Variants in SERPINA12 observed in about 807,000 individuals in gnomAD.
SERPINA12 encodes the protein serpin family A member 12, also known as serpin A12.
A neutral mutation model predicts 25.9 loss-of-function variants in SERPINA12; 21 were observed. That is an observed-to-expected ratio of 0.81 (90% confidence interval 0.58 to 1.17). SERPINA12 has a LOEUF of 1.17. Ranked by LOEUF, SERPINA12 falls within the 50% of genes most tolerant of loss-of-function variation. The pLI, the probability that SERPINA12 is intolerant of heterozygous loss-of-function variation, is 0.00. For missense variants in SERPINA12, 562 were observed against 508.3 expected, an observed-to-expected ratio of 1.11 and a Z score of -1.02; for synonymous variants, 220 against 196.0, an observed-to-expected ratio of 1.12 and a Z score of -1.02.
In SERPINA12 at chr14:94,498,060, T is replaced by C. The variant is rs1421924637; in HGVS notation, c.338A>G (p.His113Arg). 1.2e-6 allele frequency: 2 copies of C among 1,614,190 alleles called. No individual in the cohort carries two copies. Among genetic ancestry groups the C allele is most frequent in the Non-Finnish European group, 1.7e-6 (2 of 1,180,030 alleles). ...GTGGATGATGTAATGGAAGCCCTCA[T>C]GAAGATCTTTTTCTGGCATCTTTCT... The part of the protein sequence containing the change: ...NFRKMPEKDL[H>R]EGFHYIIHEL... The change falls in exon 2 of 5, where the codon CAT (histidine) becomes CGT (arginine). Residue 113 changes from histidine (H) to arginine (R), a missense_variant. His to Arg is a conservative substitution (Grantham distance 29). Coordinates refer to ENST00000677451, the MANE Select transcript of SERPINA12 (RefSeq NM_001382267.1).
rs569030151 is a variant in SERPINA12, at chr14:94,490,615, C to T, written c.906-848G>A. Among the ~76,000 whole-genome samples, 9 of 152,146 alleles carry T rather than the reference C, an allele frequency of 5.9e-5. No individual in the cohort carries two copies. In the East Asian group the frequency reaches 1.7e-3, roughly 29 times the overall value. ...TCCTCAAAAACTAACACCAAGAGATCTCTCTTGGCCCTGAATAGCCTCTCC... is the reference window on the plus strand; with the variant it reads ...TCCTCAAAAACTAACACCAAGAGATTTCTCTTGGCCCTGAATAGCCTCTCC... On this transcript the variant is annotated intron_variant, in intron 3 of 4. Transcript: ENST00000677451.
chr14:94,489,772 G>C lies in SERPINA12; in HGVS notation c.906-5C>G. ...GGTACAGACACGTCTACGACCCTGG[G>C]GAATTGACACGACAAGGGTGAGTGG... On this transcript the variant is annotated splice_region_variant and splice_polypyrimidine_tract_variant and intron_variant, in intron 3 of 4. Transcript: ENST00000677451. The C allele has an allele frequency of 6.2e-7, 1 of 1,613,644 alleles. No homozygotes were observed. The highest frequency in any genetic ancestry group is 1.7e-4 in the Middle Eastern group (1 of 6,044).
At chr14:94,507,974 A>C (rs1034626581) in intron 1 of SERPINA12, among the ~76,000 whole-genome samples, 1 of 152,198 alleles carries the variant, frequency 6.6e-6, no homozygotes, top group Non-Finnish European at 1.5e-5. Flanking sequence ...GAGAGAGAGA[A>C]AGAGATTCCT....
chr14:94,501,324 C>G (rs1900712977), intron 1 of SERPINA12, among the ~76,000 whole-genome samples: 1 of 152,140 alleles, frequency 6.6e-6, no homozygotes, highest in South Asian at 2.1e-4. Context: ...AGCAGCCTGG[C>G]AGGAGCCTTG....
At chr14:94,514,159 G>A (rs1053553899), upstream of SERPINA12, among the ~76,000 whole-genome samples, 2 of 152,220 alleles carry the variant, frequency 1.3e-5, no homozygotes, top group African/African-American at 2.4e-5. Flanking sequence ...ACTCCATGGC[G>A]GCTGACTTGT....
chr14:94,489,676 C>T lies in SERPINA12; in HGVS notation c.997G>A (p.Glu333Lys). ...LSYIGVSKIFEEHGDLTKIAP... is the reference protein window; with the variant it reads ...LSYIGVSKIFKEHGDLTKIAP... ...ATCTTGGTGAGATCACCATGTTCCT[C>T]AAAGATTTTGGAGACACCTATGTAG... is the stretch of plus-strand genomic sequence containing the variant. Residue 333 changes from glutamate (E) to lysine (K), a missense_variant, in exon 4 of 5, where the codon GAG becomes AAG. Glu to Lys is a moderately conservative substitution (Grantham distance 56, BLOSUM62 1). Coordinates refer to ENST00000677451, the MANE Select transcript of SERPINA12 (RefSeq NM_001382267.1). 1 of 1,614,164 alleles carries T rather than the reference C, an allele frequency of 6.2e-7. No individual in the cohort carries two copies. Among genetic ancestry groups the T allele is most frequent in the Non-Finnish European group, 8.5e-7 (1 of 1,180,030 alleles).
At chr14:94,501,197 G>A (rs1365651036) in intron 1 of SERPINA12, 2 of 984,270 alleles carry the variant, frequency 2.0e-6, no homozygotes, top group East Asian at 2.3e-4. Flanking sequence ...AAGGCTGCCT[G>A]GATTAAAAAT....
chr14:94,502,541 C>G (rs7159069), intron 1 of SERPINA12, among the ~76,000 whole-genome samples: 1 of 152,126 alleles, frequency 6.6e-6, no homozygotes, highest in Non-Finnish European at 1.5e-5. Context: ...ACAGGGATAA[C>G]ACACACAGGC....
chr14:94,499,801 C>T (rs1595694264), intron 1 of SERPINA12, among the ~76,000 whole-genome samples: 1 of 152,150 alleles, frequency 6.6e-6, no homozygotes, highest in East Asian at 1.9e-4. Flanking sequence ...TTGGCCTGGT[C>T]CACAGTGGGA....
intron 1 of SERPINA12, among the ~76,000 whole-genome samples, chr14:94,505,175 C>T (rs528284897): frequency 6.6e-6 from 1 of 152,298 alleles, no homozygotes; most frequent in East Asian, 1.9e-4. Context: ...GTTTTCCCTT[C>T]CTTTGGGTTG....
In SERPINA12 at chr14:94,496,588, C is replaced by CA. The variant is rs772023685; in HGVS notation, c.689dup (p.Glu231GlyfsTer14). 1.9e-6 allele frequency: 3 copies of CA among 1,613,822 alleles called. No individual in the cohort carries two copies. In the African/African-American group the frequency reaches 4.0e-5, roughly 22 times the overall value. ...GCACCTTGACTGAACTGTTTTTCTC[C>CA]AGAAAGAAATCTTCCTCTTTAGTTA... On this transcript the variant is annotated frameshift_variant, in exon 3 of 5. Transcript: ENST00000677451. LOFTEE classifies it high-confidence loss of function.
intron 3 of SERPINA12, among the ~76,000 whole-genome samples, 153 bp downstream of exon 3, chr14:94,496,220 C>T (rs1044885361): frequency 2.0e-5 from 3 of 152,192 alleles, no homozygotes; most frequent in African/African-American, 7.2e-5. Context: ...CACTCTATTC[C>T]TATGATTTGT....
intron 1 of SERPINA12, among the ~76,000 whole-genome samples, chr14:94,503,836 C>G (rs1376093551): frequency 6.6e-6 from 1 of 152,234 alleles, no homozygotes; most frequent in Non-Finnish European, 1.5e-5. Context: ...CATCATGCAG[C>G]AGGGGTGGAC....
upstream of SERPINA12, chr14:94,509,947 C>T (rs772490304): frequency 4.7e-5 from 46 of 984,046 alleles, no homozygotes; most frequent in Middle Eastern, 5.2e-4. Context: ...CTATAGAATA[C>T]CAGCCGCCTG....
chr14:94,502,332 G>A (rs1900766158), intron 1 of SERPINA12, among the ~76,000 whole-genome samples: 2 of 152,160 alleles, frequency 1.3e-5, no homozygotes, highest in South Asian at 2.1e-4. Context: ...GGAAGCGTCC[G>A]CACAGGTAGC....
upstream of SERPINA12, chr14:94,510,125 A>G: frequency 1.0e-6 from 1 of 985,436 alleles, no homozygotes; most frequent in Non-Finnish European, 1.2e-6. Flanking sequence ...TGGCTGGAGA[A>G]GCCATCCCTT....
chr14:94,492,490 G>A (rs553852175), intron 3 of SERPINA12, among the ~76,000 whole-genome samples: 14 of 152,324 alleles, frequency 9.2e-5, no homozygotes, highest in Non-Finnish European at 1.5e-4. Flanking sequence ...TCTATGAGCT[G>A]TAAGTTTTCC....
At chr14:94,512,645 A>G (rs1397990773), upstream of SERPINA12, among the ~76,000 whole-genome samples, 1 of 152,162 alleles carries the variant, frequency 6.6e-6, no homozygotes, top group Non-Finnish European at 1.5e-5. Flanking sequence ...GGAGCCCAGG[A>G]GGACAATTCT....
upstream of SERPINA12, among the ~76,000 whole-genome samples, chr14:94,513,680 GGGCTGGACCAAT>G (rs1463360624): frequency 6.6e-6 from 1 of 152,192 alleles, no homozygotes; most frequent in Non-Finnish European, 1.5e-5. Context: ...GGGTCCCCAA[GGGCTGGACCAAT>G]GGCTTTCATT....
Sources: gnomAD v4.1 joint callset for allele counts (sites outside exome capture counted in the v4.1 genomes callset) on GRCh38, gnomAD v4.1.1 for gene constraint, MANE v1.5 for transcripts, NCBI Gene and HGNC (gene_info 2026-07-23, HGNC 2026-07-21) for gene names.